Variants in LRTM1 observed in about 807,000 individuals in gnomAD.
LRTM1 encodes leucine-rich repeat and transmembrane domain-containing protein 1.
In LRTM1, 38 loss-of-function variants were observed where a neutral mutation model predicts 32.4. The observed-to-expected ratio is 1.17, with a 90% confidence interval of 0.91 to 1.54. LRTM1 has a LOEUF of 1.54. Ranked by LOEUF, LRTM1 falls within the 40% of genes most tolerant of loss-of-function variation. LRTM1 has a pLI of 0.00. For missense variants in LRTM1, 466 were observed against 415.4 expected, an observed-to-expected ratio of 1.12 and a Z score of -1.06; for synonymous variants, 186 against 169.9, an observed-to-expected ratio of 1.09 and a Z score of -0.74.
At position 54,918,326 on chromosome 3, in the gene LRTM1, T is replaced by TTTTTTC; in HGVS notation, c.*127_*132dup. On this transcript the variant is annotated 3_prime_UTR_variant, in exon 3 of 3. Transcript: ENST00000273286. ...AATATTTTTTACAGACACATCTTTT[T>TTTTTTC]TTTTTCTTTTTTTTTTTTTTTTTTT... 9.9e-6 allele frequency: 4 copies of TTTTTTC among 402,174 alleles called. No individual in the cohort carries two copies. The highest frequency in any genetic ancestry group is 4.5e-5 in the South Asian group (1 of 22,372). The allele number at this position is 402,174 out of a possible 1,614,324, so 24.9% of individuals were successfully genotyped here.
At chr3:54,937,956 C>T (rs1201742138) in intron 1 of LRTM1, among the ~76,000 whole-genome samples, 1 of 152,176 alleles carries the variant, frequency 6.6e-6, no homozygotes. Flanking sequence ...TGGTTTTCAC[C>T]ATCTGACCAT....
chr3:54,924,914 T>A lies in LRTM1; in HGVS notation c.309A>T (p.Leu103Phe). ...AAAGGAGTGAATTCTGGGTTAGATTTAAAACCTGCAAGTGCTGAAGCCCAT... is the reference window on the plus strand; with the variant it reads ...AAAGGAGTGAATTCTGGGTTAGATTAAAAACCTGCAAGTGCTGAAGCCCAT... The part of the protein sequence containing the change: ...AFHGLQHLQV[L>F]NLTQNSLLSL... Residue 103 changes from leucine to phenylalanine, a missense_variant, in exon 2 of 3, where the codon TTA (leucine) becomes TTT (phenylalanine). Transcript: ENST00000273286. 6.2e-7 allele frequency: 1 copy of A among 1,613,376 alleles called. No homozygotes were observed. The highest frequency in any genetic ancestry group is 1.3e-5 in the African/African-American group (1 of 74,998).
intron 2 of LRTM1, among the ~76,000 whole-genome samples, chr3:54,924,085 T>C (rs1184145321): frequency 6.6e-6 from 1 of 152,248 alleles, no homozygotes; most frequent in Non-Finnish European, 1.5e-5. Context: ...GTTGTCATCA[T>C]GTTAAAGAAA....
rs532822376 is a variant in LRTM1, at chr3:54,959,647, A to G, written c.-222+7281T>C. ...GGGAGCTATAACTTGGAAGCTTATA[A>G]TTTTTTAAAGGACATTGATTTGTGC... On this transcript the variant is annotated intron_variant, in intron 1 of 2. Coordinates refer to the LRTM1 transcript ENST00000493075. Among the ~76,000 whole-genome samples, 160 of 152,270 alleles carry G rather than the reference A, an allele frequency of 1.1e-3. 1 individual carries two copies. Among genetic ancestry groups the G allele is most frequent in the Non-Finnish European group, 1.8e-3 (120 of 68,018 alleles).
At chr3:54,952,538 C>T (rs9834035) in intron 1 of LRTM1, among the ~76,000 whole-genome samples, 10,708 of 152,226 alleles carry the variant, frequency 0.07, 1,079 homozygotes, top group African/African-American at 0.22. Context: ...ATTAAGCAGA[C>T]GGAATGTCAA....
intron 1 of LRTM1, among the ~76,000 whole-genome samples, chr3:54,966,501 C>T (rs1702153788): frequency 6.6e-6 from 1 of 152,144 alleles, no homozygotes; most frequent in Admixed American, 6.5e-5. Flanking sequence ...CTTGGCTGTG[C>T]GTGAGAATCA....
At chr3:54,934,847 T>G (rs1267100848) in intron 1 of LRTM1, among the ~76,000 whole-genome samples, 3 of 152,174 alleles carry the variant, frequency 2.0e-5, no homozygotes. Context: ...TTCTCATGCC[T>G]CAGCCTCCCG....
intron 1 of LRTM1, among the ~76,000 whole-genome samples, chr3:54,926,383 T>A (rs891310077): frequency 1.3e-5 from 2 of 152,104 alleles, no homozygotes; most frequent in African/African-American, 4.8e-5. Flanking sequence ...AGAGCTGTGA[T>A]AAGGACCAAG....
At chr3:54,935,663 T>A (rs1199171919) in intron 1 of LRTM1, among the ~76,000 whole-genome samples, 1 of 152,238 alleles carries the variant, frequency 6.6e-6, no homozygotes, top group Non-Finnish European at 1.5e-5. Context: ...GTTCTTGTTG[T>A]TGGGTTTTTA....
At chr3:54,966,339 A>G (rs1267550440) in intron 1 of LRTM1, among the ~76,000 whole-genome samples, 2 of 152,172 alleles carry the variant, frequency 1.3e-5, no homozygotes, top group Non-Finnish European at 2.9e-5. Flanking sequence ...AAATGCAGTC[A>G]ACTACCATCA....
At chr3:54,952,408 C>G (rs1057507874) in intron 1 of LRTM1, among the ~76,000 whole-genome samples, 2 of 152,172 alleles carry the variant, frequency 1.3e-5, no homozygotes, top group African/African-American at 2.4e-5. Flanking sequence ...TGGAAGATGT[C>G]ATGAGCATCT....
At chr3:54,934,884 A>G (rs1380097814) in intron 1 of LRTM1, among the ~76,000 whole-genome samples, 8 of 152,062 alleles carry the variant, frequency 5.3e-5, no homozygotes, top group Non-Finnish European at 1.2e-4. Flanking sequence ...GGCACACACC[A>G]CCACACCCCG....
intron 1 of LRTM1, among the ~76,000 whole-genome samples, chr3:54,965,727 G>T (rs1702132938): frequency 1.3e-5 from 2 of 152,140 alleles, no homozygotes; most frequent in African/African-American, 4.8e-5. Flanking sequence ...GGAAGCCAGG[G>T]GCCAGTGTTA....
rs60257399 is a variant in LRTM1 at position 54,918,321 on chromosome 3, C to CTTTTTTT, written c.*131_*137dup. On this transcript the variant is annotated 3_prime_UTR_variant, in exon 3 of 3. Coordinates refer to ENST00000273286, the MANE Select transcript of LRTM1 (RefSeq NM_020678.4). The stretch of plus-strand genomic sequence containing the variant: ...CCAGAAATATTTTTTACAGACACAT[C>CTTTTTTT]TTTTTTTTTTCTTTTTTTTTTTTTT... 20 of 394,428 alleles carry CTTTTTTT rather than the reference C, an allele frequency of 5.1e-5. No homozygotes were observed. The highest frequency in any genetic ancestry group is 5.0e-4 in the African/African-American group (17 of 34,136). The allele number at this position is 394,428 out of a possible 1,614,324, so 24.4% of individuals were successfully genotyped here. A position where few individuals can be genotyped will look rare whatever the true frequency, so the allele number is the denominator to read the frequency against.
At chr3:54,939,998 C>T (rs894732682) in intron 1 of LRTM1, among the ~76,000 whole-genome samples, 1 of 152,158 alleles carries the variant, frequency 6.6e-6, no homozygotes, top group Non-Finnish European at 1.5e-5. Context: ...TCTAGGACTC[C>T]CATCTGAGCA....
chr3:54,953,749 C>T (rs1206948624), intron 1 of LRTM1, among the ~76,000 whole-genome samples: 3 of 152,162 alleles, frequency 2.0e-5, no homozygotes, highest in African/African-American at 7.2e-5. Flanking sequence ...CCTGCCTCTG[C>T]TAGCTTGACA....
intron 1 of LRTM1, among the ~76,000 whole-genome samples, chr3:54,938,378 C>T (rs1221601246): frequency 6.6e-6 from 1 of 152,212 alleles, no homozygotes; most frequent in Non-Finnish European, 1.5e-5. Context: ...GCCCCTGGGG[C>T]CATCCATGGC....
chr3:54,928,176 T>C (rs1001861332), upstream of LRTM1: 2 of 516,874 alleles, frequency 3.9e-6, no homozygotes, highest in Non-Finnish European at 3.4e-6. Flanking sequence ...TCTTAAAATG[T>C]TGGCCTCCCC....
intron 1 of LRTM1, among the ~76,000 whole-genome samples, chr3:54,935,148 C>T (rs746420967): frequency 5.9e-5 from 9 of 152,282 alleles, no homozygotes; most frequent in South Asian, 4.1e-4. Context: ...CTGTCTAACT[C>T]TCAGGGAACC....
Sources: allele counts gnomAD v4.1 joint callset (sites outside exome capture counted in the v4.1 genomes callset), GRCh38; gene constraint gnomAD v4.1.1; transcripts MANE v1.5; gene names NCBI Gene and HGNC (gene_info 2026-07-23, HGNC 2026-07-21).